The following PIKFYVE variants were observed in gnomAD, a reference collection of about 807,000 sequenced individuals.
PIKFYVE encodes the protein phosphoinositide kinase, FYVE-type zinc finger containing, also known as 1-phosphatidylinositol 3-phosphate 5-kinase.
PIKFYVE carries 122 observed loss-of-function variants against 257.9 expected under a neutral mutation model. That is an observed-to-expected ratio of 0.47 (90% confidence interval 0.41 to 0.55). The LOEUF is 0.55. PIKFYVE is among the 20% of genes least tolerant of loss of function. The pLI is 0.00. For synonymous variants in PIKFYVE, 892 were observed against 868.9 expected (o/e 1.03, Z -0.47); for missense variants, 2,160 against 2,536.6 (o/e 0.85, Z 3.19).
chr2:208,348,237 G>A (rs1168125537), intron 35 of PIKFYVE, among the ~76,000 whole-genome samples: 1 of 152,166 alleles, frequency 6.6e-6, no homozygotes, highest in Non-Finnish European at 1.5e-5. Flanking sequence ...CTGTGTGGTA[G>A]AATCAGAAAT....
intron 7 of PIKFYVE, among the ~76,000 whole-genome samples, chr2:208,291,925 G>T (rs1014581556): frequency 6.6e-6 from 1 of 151,982 alleles, no homozygotes; most frequent in Non-Finnish European, 1.5e-5. Context: ...AAATGTATGC[G>T]CTTCGTGCTA....
Position 208,326,317 on chromosome 2 carries a change from C to G in PIKFYVE, c.3506C>G (p.Pro1169Arg), listed in dbSNP as rs774757025. ...AGAATTCAGCCCAAAAATTCAGACCCTTTTGCTCATTCAAAGGATGCATCA... is the reference window on the plus strand; with the variant it reads ...AGAATTCAGCCCAAAAATTCAGACCGTTTTGCTCATTCAAAGGATGCATCA... Reference protein sequence around the residue: ...GGRIQPKNSDPFAHSKDASST... With the variant: ...GGRIQPKNSDRFAHSKDASST... Residue 1169 changes from proline (P) to arginine (R), a missense_variant, in exon 20 of 42, where the codon CCT becomes CGT. This residue lies in a region of PIKFYVE where 522 missense variants were observed against 514.6 expected (regional missense o/e 1.01). Transcript: ENST00000264380. The G allele has an allele frequency of 6.2e-7, 1 of 1,611,534 alleles. No individual in the cohort carries two copies. Among genetic ancestry groups the G allele is most frequent in the East Asian group, 2.2e-5 (1 of 44,850 alleles).
intron 27 of PIKFYVE, among the ~76,000 whole-genome samples, chr2:208,336,584 A>T (rs1249002295): frequency 6.6e-6 from 1 of 151,898 alleles, no homozygotes; most frequent in Non-Finnish European, 1.5e-5. Flanking sequence ...TTATTTAAAC[A>T]TTTATTTTTT....
chr2:208,315,151 A>T, intron 14 of PIKFYVE, 42 bp from the exon 15 acceptor site: 1 of 1,514,072 alleles, frequency 6.6e-7, no homozygotes, highest in African/African-American at 1.4e-5. Flanking sequence ...TGTCTCTGGC[A>T]GTATTAACTA....
intron 32 of PIKFYVE, among the ~76,000 whole-genome samples, 185 bp from the exon 33 acceptor site, chr2:208,344,926 A>G (rs73060453): frequency 4.6e-5 from 7 of 152,240 alleles, no homozygotes; most frequent in East Asian, 1.9e-4. Flanking sequence ...ATTACCTTCT[A>G]TGAAGACATT....
chr2:208,304,793 A>G, intron 11 of PIKFYVE, 53 bp from the exon 12 acceptor site: 1 of 1,575,162 alleles, frequency 6.3e-7, no homozygotes. Context: ...GATAAAACCC[A>G]TTTTTACTCC....
intron 4 of PIKFYVE, among the ~76,000 whole-genome samples, 160 bp from the exon 5 acceptor site, chr2:208,277,374 GTTC>G (rs1422326706): frequency 4.6e-5 from 7 of 152,006 alleles, no homozygotes; most frequent in African/African-American, 1.7e-4. Context: ...CCTTCAATTT[GTTC>G]TTCTTCAAGA....
chr2:208,277,532 T>G lies in PIKFYVE; in HGVS notation c.442-5T>G. 1.9e-6 allele frequency: 3 copies of G among 1,613,482 alleles called. No homozygotes were observed. Among genetic ancestry groups the G allele is most frequent in the Non-Finnish European group, 2.5e-6 (3 of 1,179,428 alleles). On this transcript the variant is annotated splice_region_variant and splice_polypyrimidine_tract_variant and intron_variant, in intron 4 of 41. Transcript: ENST00000264380. Reference sequence around the variant, plus strand: ...AGAAGCCTTCACACATTTTTATTGTTATAGGATAGTGACCTGAAACAATAC... The same window carrying G: ...AGAAGCCTTCACACATTTTTATTGTGATAGGATAGTGACCTGAAACAATAC...
At chr2:208,295,060 C>T (rs1163440858) in intron 7 of PIKFYVE, among the ~76,000 whole-genome samples, 1 of 150,024 alleles carries the variant, frequency 6.7e-6, no homozygotes, top group East Asian at 1.9e-4. Context: ...GGTTTTCCTA[C>T]CCTATTACTG....
chr2:208,354,697 A>C, intron 41 of PIKFYVE, 52 bp downstream of exon 41: 1 of 1,441,660 alleles, frequency 6.9e-7, no homozygotes, highest in Non-Finnish European at 9.8e-7. Context: ...TTATCAGTTA[A>C]AATTTTAAAA....
At chr2:208,298,592 T>C (rs781199822) in intron 7 of PIKFYVE, 49 bp from the exon 8 acceptor site, 2 of 1,603,490 alleles carry the variant, frequency 1.2e-6, no homozygotes, top group Admixed American at 1.7e-5. Context: ...ATTCTGTTTA[T>C]TGAAGAAGAA....
chr2:208,351,333 T>C lies in PIKFYVE; in HGVS notation c.5612-19T>C. 1.3e-6 allele frequency: 2 copies of C among 1,542,584 alleles called. No individual in the cohort carries two copies. The highest frequency in any genetic ancestry group is 1.8e-6 in the Non-Finnish European group (2 of 1,115,226). On this transcript the variant is annotated intron_variant, in intron 37 of 41. Transcript: ENST00000264380. ...TATATATTGTGATTGAGTAAACACA[T>C]AAAATTTCTGCCTTTTAGATGATAG...
At chr2:208,335,479 G>A in intron 25 of PIKFYVE, 60 bp downstream of exon 25, 1 of 1,267,632 alleles carries the variant, frequency 7.9e-7, no homozygotes, top group Non-Finnish European at 1.1e-6. Flanking sequence ...TAAAGTATCA[G>A]ATTTATTCAT....
At chr2:208,343,712 C>T (rs1370482549) in intron 32 of PIKFYVE, among the ~76,000 whole-genome samples, 2 of 152,144 alleles carry the variant, frequency 1.3e-5, no homozygotes, top group African/African-American at 4.8e-5. Flanking sequence ...TACTGCAATG[C>T]TGTTCTTATG....
chr2:208,276,225 C>G (rs967218925), intron 3 of PIKFYVE, among the ~76,000 whole-genome samples: 2 of 152,170 alleles, frequency 1.3e-5, no homozygotes, highest in Non-Finnish European at 2.9e-5. Flanking sequence ...TTCTGATCAT[C>G]TTCTGTATGA....
At chr2:208,294,823 T>C (rs1227384017) in intron 7 of PIKFYVE, among the ~76,000 whole-genome samples, 2 of 152,144 alleles carry the variant, frequency 1.3e-5, no homozygotes, top group Non-Finnish European at 2.9e-5. Context: ...GCAGGACTTG[T>C]TATGAAGAAC....
Position 208,337,037 on chromosome 2 carries a change from G to A in PIKFYVE, c.4611+109G>A, listed in dbSNP as rs1698206748. ...ATATGTACTTTAGTAATGATATCCA[G>A]TAGGGTTTTCCATTTTGAATTTGTG... On this transcript the variant is annotated intron_variant, in intron 28 of 41. Transcript: ENST00000264380. 6.1e-6 allele frequency: 5 copies of A among 814,836 alleles called. No individual in the cohort carries two copies. The Admixed American group carries it at 1.1e-4, about 18-fold the overall frequency. The allele number at this position is 814,836 out of a possible 1,614,324, so 50.5% of individuals were successfully genotyped here. A position where few individuals can be genotyped will look rare whatever the true frequency, so the allele number is the denominator to read the frequency against.
chr2:208,288,807 T>G lies in PIKFYVE; in HGVS notation c.900T>G (p.Pro300=). Residue 300 remains proline (P), a synonymous_variant, in exon 7 of 42, where the codon CCT becomes CCG. Coordinates refer to ENST00000264380, the MANE Select transcript of PIKFYVE (RefSeq NM_015040.4). Reference sequence around the variant, plus strand: ...TGCAAGAGGATGCTGGGAAATCTCCTGCTCGAAATAGGTAAACTGACAAAT... The same window carrying G: ...TGCAAGAGGATGCTGGGAAATCTCCGGCTCGAAATAGGTAAACTGACAAAT... ...VSVQEDAGKS[P]ARNRSASITN... 1 of 1,614,104 alleles carries G rather than the reference T, an allele frequency of 6.2e-7. No individual in the cohort carries two copies.
In PIKFYVE at chr2:208,304,907, C is replaced by T; in HGVS notation, c.1530C>T (p.Asp510=). 6.2e-7 allele frequency: 1 copy of T among 1,614,170 alleles called. No individual in the cohort carries two copies. The highest frequency in any genetic ancestry group is 8.5e-7 in the Non-Finnish European group (1 of 1,180,032). The change falls in exon 12 of 42, where the codon GAC becomes GAT. Residue 510 remains aspartate (D), a synonymous_variant. Transcript: ENST00000264380. Reference sequence around the variant, plus strand: ...GTTTCCAGTCCACAGTGGACAGTGACTCAGCCGCTTCTATCAGCCTGAACG... The same window carrying T: ...GTTTCCAGTCCACAGTGGACAGTGATTCAGCCGCTTCTATCAGCCTGAACG... ...VSSFQSTVDS[D]SAASISLNVE...
Sources: allele counts gnomAD v4.1 joint callset (sites outside exome capture counted in the v4.1 genomes callset), GRCh38; gene constraint gnomAD v4.1.1; regional missense constraint gnomAD v4.1.1; transcripts MANE v1.5; gene names NCBI Gene and HGNC (gene_info 2026-07-23, HGNC 2026-07-21).